ADAT1: variants seen among roughly 807,000 people sequenced by gnomAD.
The protein encoded by ADAT1 is adenosine deaminase tRNA specific 1.
In ADAT1, 58 loss-of-function variants were observed where a neutral mutation model predicts 58.6. The ratio of observed to expected loss-of-function variants is 0.99; its 90% CI spans 0.80 to 1.23. ADAT1 has a LOEUF of 1.23. ADAT1 is among the 50% of genes most tolerant of loss of function. ADAT1 has a pLI of 0.00. For synonymous variants in ADAT1, 254 were observed against 220.8 expected (o/e 1.15, Z -1.33); for missense variants, 741 against 608.6 (o/e 1.22, Z -2.29).
At chr16:75,608,107 T>A (rs2081419787) in intron 8 of ADAT1, 117 bp downstream of exon 8, 1 of 777,958 alleles carries the variant, frequency 1.3e-6, no homozygotes, top group Admixed American at 2.0e-5. Context: ...GAGGGATAGG[T>A]AGTGACTGCT....
In ADAT1 at chr16:75,612,356, T is replaced by A. The variant is rs1358814559; in HGVS notation, c.930A>T (p.Gly310=). The A allele has an allele frequency of 1.2e-6, 2 of 1,614,084 alleles. No homozygotes were observed. The highest frequency in any genetic ancestry group is 3.3e-5 in the Admixed American group (2 of 60,000). Reference sequence around the variant, plus strand: ...AGTGCATCAACAGTGCCCCTTGGCATCCGAGGACGTTCCATCGGGCCATCT... The same window carrying A: ...AGTGCATCAACAGTGCCCCTTGGCAACCGAGGACGTTCCATCGGGCCATCT... The part of the protein sequence containing the change: ...SDKMARWNVL[G]CQGALLMHLL... The change falls in exon 6 of 10, where the codon GGA becomes GGT. Residue 310 remains glycine, a synonymous_variant. Coordinates refer to ENST00000564657, the MANE Select transcript of ADAT1 (RefSeq NM_001324445.2).
intron 5 of ADAT1, among the ~76,000 whole-genome samples, chr16:75,614,130 C>T (rs2081634318): frequency 6.6e-6 from 1 of 152,030 alleles, no homozygotes; most frequent in South Asian, 2.1e-4. Flanking sequence ...GTGGAGGTTG[C>T]AGTGAGCCAA....
chr16:75,616,255 G>A (rs2081719764), intron 5 of ADAT1, among the ~76,000 whole-genome samples: 1 of 152,068 alleles, frequency 6.6e-6, no homozygotes, highest in Non-Finnish European at 1.5e-5. Flanking sequence ...TGATCTGCCC[G>A]CCTCGGACTC....
rs1390463795 is a variant in ADAT1, at chr16:75,599,543, A to G, written c.*673T>C. 1 of 985,772 alleles carries G rather than the reference A, an allele frequency of 1.0e-6. No individual in the cohort carries two copies. The highest frequency in any genetic ancestry group is 1.1e-4 in the East Asian group (1 of 8,834). The allele number at this position is 985,772 out of a possible 1,614,324, so 61.1% of individuals were successfully genotyped here. A position where few individuals can be genotyped will look rare whatever the true frequency, so the allele number is the denominator to read the frequency against. ...CTTGGCTGTTTCCTTTGTTGCCTTCATTCTTTGCTGGCTTTCTCTAGGTAG... is the reference window on the plus strand; with the variant it reads ...CTTGGCTGTTTCCTTTGTTGCCTTCGTTCTTTGCTGGCTTTCTCTAGGTAG... On this transcript the variant is annotated 3_prime_UTR_variant, in exon 10 of 10. Transcript: ENST00000564657.
chr16:75,599,001 T>G lies in ADAT1; in HGVS notation c.*1215A>C, dbSNP rs547218690. The G allele has an allele frequency of 1.0e-6, 1 of 985,110 alleles. No individual in the cohort carries two copies. Among genetic ancestry groups the G allele is most frequent in the South Asian group, 4.7e-5 (1 of 21,270 alleles). The allele number at this position is 985,110 out of a possible 1,614,324, so 61.0% of individuals were successfully genotyped here. On this transcript the variant is annotated 3_prime_UTR_variant, in exon 10 of 10. Transcript: ENST00000564657. ...CAATCATTCAAGGTCTGAAGTTGAG[T>G]GTTAAACATTCGATGTTAAAACAGG...
At chr16:75,604,910 A>G (rs980485271) in intron 8 of ADAT1, among the ~76,000 whole-genome samples, 1 of 152,212 alleles carries the variant, frequency 6.6e-6, no homozygotes, top group Admixed American at 6.5e-5. Flanking sequence ...CACAGGTTTG[A>G]ACTGTGTGGG....
intron 4 of ADAT1, among the ~76,000 whole-genome samples, chr16:75,618,098 CAAA>C (rs1163510620): frequency 7.4e-4 from 24 of 32,536 alleles, no homozygotes; most frequent in Admixed American, 2.0e-3. Flanking sequence ...ACCCTGTGTC[CAAA>C]AAAAAAAAAA....
chr16:75,610,160 G>C (rs2081485611), intron 6 of ADAT1, among the ~76,000 whole-genome samples: 1 of 152,140 alleles, frequency 6.6e-6, no homozygotes, highest in Non-Finnish European at 1.5e-5. Flanking sequence ...CGTTTTTATA[G>C]CTGAATCATA....
intron 4 of ADAT1, among the ~76,000 whole-genome samples, chr16:75,617,682 A>G (rs896708746): frequency 6.6e-6 from 1 of 151,084 alleles, no homozygotes; most frequent in Admixed American, 6.6e-5. Flanking sequence ...AAGAAACCCA[A>G]TTTCTGAGGT....
chr16:75,620,407 G>T, intron 2 of ADAT1, 73 bp from the exon 3 acceptor site: 8 of 1,531,930 alleles, frequency 5.2e-6, no homozygotes, highest in Non-Finnish European at 7.2e-6. Context: ...TGATCAGCCT[G>T]CACACTCCTC....
chr16:75,608,232 A>G lies in ADAT1; in HGVS notation c.1281T>C (p.Leu427=). The G allele has an allele frequency of 6.2e-7, 1 of 1,613,900 alleles. No homozygotes were observed. ...GCCCCAATATGCTGTACCTTGCCTGAAGGCTTCCAATTGTTTTCTTTGTTG... is the reference window on the plus strand; with the variant it reads ...GCCCCAATATGCTGTACCTTGCCTGGAGGCTTCCAATTGTTTTCTTTGTTG... ...QGTTKKTIGS[L]QARSQISKVE... The change falls in exon 8 of 10, where the codon CTT becomes CTC. Residue 427 remains leucine, a synonymous_variant. Transcript: ENST00000564657.
rs903136121 is a variant in ADAT1 at position 75,598,232 on chromosome 16, A to G, written c.*1984T>C. 9 of 355,490 alleles carry G rather than the reference A, an allele frequency of 2.5e-5. No individual in the cohort carries two copies. The highest frequency in any genetic ancestry group is 4.5e-5 in the Non-Finnish European group (8 of 179,576). 22.0% of individuals were successfully genotyped at this position (355,490 alleles called of 1,614,324 possible). A position where few individuals can be genotyped will look rare whatever the true frequency, so the allele number is the denominator to read the frequency against. ...GTTGGGACTATAGGCGTGCGCCAAT[A>G]CACCTGGCTAATTTTTGTATTTTTA... On this transcript the variant is annotated 3_prime_UTR_variant, in exon 10 of 10. Transcript: ENST00000564657.
chr16:75,620,741 G>A lies in ADAT1; in HGVS notation c.59C>T (p.Pro20Leu). The A allele has an allele frequency of 1.9e-6, 3 of 1,614,086 alleles. No homozygotes were observed. The highest frequency in any genetic ancestry group is 2.5e-6 in the Non-Finnish European group (3 of 1,180,004). ...LCYEHYGIRL[P>L]KKGKPEPNHE... is the part of the protein sequence containing the mutation. Reference sequence around the variant, plus strand: ...GTTTGGCTCAGGCTTCCCCTTCTTGGGCAGCCTGATCCCATAGTGTTCATA... The same window carrying A: ...GTTTGGCTCAGGCTTCCCCTTCTTGAGCAGCCTGATCCCATAGTGTTCATA... The change falls in exon 2 of 10, where the codon CCC becomes CTC. Residue 20 changes from proline (P) to leucine (L), a missense_variant. Pro to Leu is a moderately conservative substitution (Grantham distance 98). Transcript: ENST00000564657.
intron 8 of ADAT1, among the ~76,000 whole-genome samples, chr16:75,606,079 G>A (rs1191550738): frequency 1.3e-5 from 2 of 150,816 alleles, no homozygotes; most frequent in African/African-American, 2.4e-5. Context: ...TTGTTGCCCA[G>A]GCTGGTCTCG....
Position 75,620,689 on chromosome 16 carries a change from C to T in ADAT1, c.111G>A (p.Val37=). The change falls in exon 2 of 10, where the codon GTG becomes GTA. Residue 37 remains valine (V), a synonymous_variant. Coordinates refer to ENST00000564657, the MANE Select transcript of ADAT1 (RefSeq NM_001324445.2). ...TGTCAGCTGGAGATTGTATCTTCACCACCGCTGCCAATAATGTCCACTCAT... is the reference window on the plus strand; with the variant it reads ...TGTCAGCTGGAGATTGTATCTTCACTACCGCTGCCAATAATGTCCACTCAT... ...PNHEWTLLAA[V]VKIQSPADKA... 32 of 1,614,040 alleles carry T rather than the reference C, an allele frequency of 2.0e-5. No individual in the cohort carries two copies. Among genetic ancestry groups the T allele is most frequent in the Non-Finnish European group, 2.7e-5 (32 of 1,180,030 alleles).
rs982567114 is a variant in ADAT1 at position 75,599,330 on chromosome 16, C to G, written c.*886G>C. 2.0e-6 allele frequency: 2 copies of G among 976,248 alleles called. No individual in the cohort carries two copies. Among genetic ancestry groups the G allele is most frequent in the Non-Finnish European group, 1.2e-6 (1 of 821,540 alleles). 60.5% of individuals were successfully genotyped at this position (976,248 alleles called of 1,614,324 possible). On this transcript the variant is annotated 3_prime_UTR_variant, in exon 10 of 10. Coordinates refer to ENST00000564657, the MANE Select transcript of ADAT1 (RefSeq NM_001324445.2). ...CTCCTGACCTCAAGTGATCTGCCTG[C>G]CTGGGCTTCCCAAAGTGCTGGGATT...
rs1453968488 is a variant in ADAT1 at position 75,604,457 on chromosome 16, AT to A, written c.1290-1287del. On this transcript the variant is annotated intron_variant, in intron 8 of 9. Transcript: ENST00000564657. ...CAAAAAAAAAAAAAAAAAAAAAAAAATATATATATATATATATACACACACA... is the reference window on the plus strand; with the variant it reads ...CAAAAAAAAAAAAAAAAAAAAAAAAAATATATATATATATATACACACACA... Among the ~76,000 whole-genome samples, 261 of 42,120 alleles carry A rather than the reference AT, an allele frequency of 6.2e-3. 4 individuals carry two copies. Among genetic ancestry groups the A allele is most frequent in the Non-Finnish European group, 6.9e-3 (198 of 28,612 alleles). 27.6% of individuals were successfully genotyped at this position (42,120 alleles called of 152,430 possible).
At chr16:75,605,836 C>T (rs1311885011) in intron 8 of ADAT1, among the ~76,000 whole-genome samples, 2 of 149,500 alleles carry the variant, frequency 1.3e-5, no homozygotes, top group East Asian at 3.9e-4. Flanking sequence ...ACTCGGGAGG[C>T]TGAGGCAGGA....
In ADAT1 at chr16:75,620,693, G is replaced by A. The variant is rs777652272; in HGVS notation, c.107C>T (p.Ala36Val). The A allele has an allele frequency of 8.1e-6, 13 of 1,613,922 alleles. No individual in the cohort carries two copies. The highest frequency in any genetic ancestry group is 2.7e-5 in the African/African-American group (2 of 74,898). The change falls in exon 2 of 10, where the codon GCG becomes GTG. Residue 36 changes from alanine to valine, a missense_variant. Physicochemically the swap from Ala to Val is moderately conservative, Grantham distance 64 (BLOSUM62 0). Coordinates refer to ENST00000564657, the MANE Select transcript of ADAT1 (RefSeq NM_001324445.2). ...AGCTGGAGATTGTATCTTCACCACC[G>A]CTGCCAATAATGTCCACTCATGGTT... is the stretch of plus-strand genomic sequence containing the variant. ...EPNHEWTLLA[A>V]VVKIQSPADK...
Sources: allele counts gnomAD v4.1 joint callset (sites outside exome capture counted in the v4.1 genomes callset), GRCh38; gene constraint gnomAD v4.1.1; transcripts MANE v1.5; gene names NCBI Gene and HGNC (gene_info 2026-07-23, HGNC 2026-07-21).